The following EFCAB13 variants were observed in gnomAD, a reference collection of about 807,000 sequenced individuals.
EFCAB13 encodes EF-hand calcium-binding domain-containing protein 13.
In EFCAB13, 91 loss-of-function variants were observed where a neutral mutation model predicts 110.2. That is an observed-to-expected ratio of 0.83 (90% CI 0.70 to 0.98). The LOEUF (loss-of-function observed/expected upper bound fraction) is 0.98, where lower values mean the gene tolerates loss of function less well. Ranked by LOEUF, EFCAB13 falls within the 50% of genes least tolerant of loss-of-function variation. The probability of loss-of-function intolerance (pLI) is 0.00; values close to 1 mark genes in which losing one functional copy is unlikely to be tolerated. For synonymous variants in EFCAB13, 323 were observed against 369.9 expected (o/e 0.87, Z 1.45); for missense variants, 968 against 1,119.4 (o/e 0.86, Z 1.93).
chr17:47,410,587 C>A (rs2065829240), intron 21 of EFCAB13, among the ~76,000 whole-genome samples: 1 of 152,202 alleles, frequency 6.6e-6, no homozygotes, highest in Non-Finnish European at 1.5e-5. Flanking sequence ...TCATCTTAAT[C>A]AGATGGGTGA....
chr17:47,325,356 T>G (rs894948531), intron 2 of EFCAB13, among the ~76,000 whole-genome samples: 2 of 152,060 alleles, frequency 1.3e-5, no homozygotes, highest in East Asian at 1.9e-4. Flanking sequence ...CTTTCTTCAC[T>G]TGGCATTCAG....
rs539129003 is a variant in EFCAB13, at chr17:47,381,789, C to T, written c.1582+2536C>T. 9.3e-4 allele frequency among the ~76,000 whole-genome samples: 141 copies of T among 152,182 alleles called. 1 individual carries two copies. Among genetic ancestry groups the T allele is most frequent in the Non-Finnish European group, 4.4e-4 (30 of 68,010 alleles). ...TTTAGTATAGTTTTAAGTCAGGTAG[C>T]GTGATACCTCTAGCTTTCTTCTTTT... is the stretch of plus-strand genomic sequence containing the variant. On this transcript the variant is annotated intron_variant, in intron 14 of 24. Transcript: ENST00000331493.
chr17:47,368,846 G>A (rs1451804510), intron 10 of EFCAB13, among the ~76,000 whole-genome samples: 1 of 152,152 alleles, frequency 6.6e-6, no homozygotes, highest in African/African-American at 2.4e-5. Flanking sequence ...GTCAGAATGG[G>A]AAAGACAACT....
intron 16 of EFCAB13, 32 bp downstream of exon 16, chr17:47,394,131 G>A: frequency 7.3e-7 from 1 of 1,374,770 alleles, no homozygotes; most frequent in Non-Finnish European, 9.8e-7. Context: ...TCTGCTTTTT[G>A]TGGACCAAAT....
At chr17:47,362,772 C>G (rs1244033729) in intron 10 of EFCAB13, among the ~76,000 whole-genome samples, 1 of 152,232 alleles carries the variant, frequency 6.6e-6, no homozygotes, top group Non-Finnish European at 1.5e-5. Context: ...GTCTGTCTCT[C>G]TCTGCCTTGG....
At chr17:47,339,773 T>C (rs1567781214) in intron 5 of EFCAB13, 1 of 147,666 alleles carries the variant, frequency 6.8e-6, no homozygotes, top group African/African-American at 2.5e-5. Context: ...AACCAAACAA[T>C]AAGAAAGAAG....
intron 6 of EFCAB13, 139 bp downstream of exon 6, chr17:47,342,171 G>C: frequency 3.9e-6 from 2 of 507,216 alleles, no homozygotes; most frequent in Non-Finnish European, 7.0e-6. Flanking sequence ...CTCCTCTTCT[G>C]TTCTTAATTC....
Position 47,394,094 on chromosome 17 carries a change from A to G in EFCAB13, c.1796A>G (p.Lys599Arg). 1 of 1,515,676 alleles carries G rather than the reference A, an allele frequency of 6.6e-7. No homozygotes were observed. The highest frequency in any genetic ancestry group is 8.8e-7 in the Non-Finnish European group (1 of 1,132,746). The allele number at this position is 1,515,676 out of a possible 1,614,324, so 93.9% of individuals were successfully genotyped here. ...MMSNTECFSE[K>R]LVLPDAIETL... Reference sequence around the variant, plus strand: ...AGCAACACGGAATGCTTCTCTGAAAAATTAGGTACGTAAGAATATCATGTC... The same window carrying G: ...AGCAACACGGAATGCTTCTCTGAAAGATTAGGTACGTAAGAATATCATGTC... The change falls in exon 16 of 25, where the codon AAA (lysine) becomes AGA (arginine). Residue 599 changes from lysine to arginine, a missense_variant. By Grantham distance (26) the Lys-to-Arg change is conservative. Transcript: ENST00000331493.
Position 47,440,854 on chromosome 17 carries a change from C to A in EFCAB13, c.*140C>A. ...AATTTTTATCACTATCTGTTATGTT[C>A]TCATGTATCTTCAGCGACTCTCTTG... On this transcript the variant is annotated 3_prime_UTR_variant, in exon 25 of 25. Coordinates refer to ENST00000331493, the MANE Select transcript of EFCAB13 (RefSeq NM_152347.5). The A allele has an allele frequency of 1.6e-6, 1 of 639,130 alleles. No individual in the cohort carries two copies. Among genetic ancestry groups the A allele is most frequent in the Non-Finnish European group, 2.5e-6 (1 of 401,502 alleles). The allele number at this position is 639,130 out of a possible 1,614,324, so 39.6% of individuals were successfully genotyped here. A position where few individuals can be genotyped will look rare whatever the true frequency, so the allele number is the denominator to read the frequency against.
chr17:47,391,832 A>AT (rs1303891188), intron 15 of EFCAB13, among the ~76,000 whole-genome samples: 1 of 151,910 alleles, frequency 6.6e-6, no homozygotes, highest in Non-Finnish European at 1.5e-5. Flanking sequence ...TCTTTTCAAG[A>AT]TTTTTTTTCC....
At chr17:47,420,000 G>A (rs187156648) in intron 23 of EFCAB13, among the ~76,000 whole-genome samples, 23,045 of 151,674 alleles carry the variant, frequency 0.15, 2,042 homozygotes, top group Middle Eastern at 0.21. Flanking sequence ...GATGCCGAGC[G>A]GAAGCTGGAC....
intron 23 of EFCAB13, chr17:47,423,367 A>G (rs1904788465): frequency 1.3e-5 from 2 of 156,116 alleles, no homozygotes; most frequent in South Asian, 4.1e-4. Context: ...TGTACTTGCA[A>G]TTTTTCTGAG....
chr17:47,384,045 G>A (rs987836692), intron 14 of EFCAB13, among the ~76,000 whole-genome samples: 1 of 152,038 alleles, frequency 6.6e-6, no homozygotes, highest in African/African-American at 2.4e-5. Flanking sequence ...TATATATTTA[G>A]GATAGTTAGC....
chr17:47,355,090 C>T (rs1395245984), intron 9 of EFCAB13, among the ~76,000 whole-genome samples: 1 of 152,108 alleles, frequency 6.6e-6, no homozygotes, highest in African/African-American at 2.4e-5. Context: ...ATGGCAAATT[C>T]TCTCAGCATT....
intron 11 of EFCAB13, among the ~76,000 whole-genome samples, chr17:47,370,971 C>A (rs1204900291): frequency 6.6e-6 from 1 of 151,404 alleles, no homozygotes; most frequent in African/African-American, 2.4e-5. Context: ...AACTCCTGAC[C>A]TCAGGTGATC....
chr17:47,327,225 G>T (rs576399743), intron 3 of EFCAB13, among the ~76,000 whole-genome samples: 72 of 152,244 alleles, frequency 4.7e-4, no homozygotes, highest in Admixed American at 2.0e-3. Flanking sequence ...GAGTGCAGTG[G>T]CGTGGTCTTG....
intron 5 of EFCAB13, among the ~76,000 whole-genome samples, chr17:47,335,854 C>A (rs990104558): frequency 6.6e-6 from 1 of 152,102 alleles, no homozygotes; most frequent in Non-Finnish European, 1.5e-5. Context: ...GAAATCTGCC[C>A]CCATGATCCA....
intron 14 of EFCAB13, among the ~76,000 whole-genome samples, chr17:47,384,398 A>G (rs550336396): frequency 6.6e-6 from 1 of 150,772 alleles, no homozygotes; most frequent in African/African-American, 2.4e-5. Flanking sequence ...CAGTTTCTTC[A>G]TAGTGTGATT....
intron 24 of EFCAB13, among the ~76,000 whole-genome samples, chr17:47,438,776 T>C (rs997616412): frequency 6.6e-6 from 1 of 152,164 alleles, no homozygotes; most frequent in East Asian, 1.9e-4. Context: ...ACTAACTTCG[T>C]GAACTCTTTT....
Sources: allele counts gnomAD v4.1 joint callset (sites outside exome capture counted in the v4.1 genomes callset), GRCh38; gene constraint gnomAD v4.1.1; transcripts MANE v1.5; gene names NCBI Gene and HGNC (gene_info 2026-07-23, HGNC 2026-07-21).